GPR35: variants seen among roughly 807,000 people sequenced by gnomAD.
GPR35 encodes KYNA receptor.
For missense variants in GPR35, 372 were observed against 422.5 expected (o/e 0.88, Z 1.05); for synonymous variants, 207 against 198.4 (o/e 1.04, Z -0.36).
intron 2 of GPR35, among the ~76,000 whole-genome samples, chr2:240,615,792 T>C (rs761622383): frequency 5.9e-5 from 9 of 152,230 alleles, no homozygotes; most frequent in African/African-American, 2.4e-5. Context: ...TTTCTCTACT[T>C]CTACAATTTT....
intron 2 of GPR35, among the ~76,000 whole-genome samples, chr2:240,610,373 T>C (rs1417094502): frequency 6.6e-6 from 1 of 152,256 alleles, no homozygotes; most frequent in Non-Finnish European, 1.5e-5. Context: ...AATTTTTCCA[T>C]TCTTTTACAT....
rs372132179 is a variant in GPR35 at position 240,625,526 on chromosome 2, C to T, written c.-47C>T. On this transcript the variant is annotated 5_prime_UTR_variant, in exon 1 of 2. Coordinates refer to ENST00000407714, the MANE Select transcript of GPR35 (RefSeq NM_005301.5). ...ACAGCCACTGTGCAGGCTTTGGCAG[C>T]GGGGGTCACACACTCCACCCGGGAG... The T allele has an allele frequency of 1.3e-5, 13 of 985,976 alleles. No individual in the cohort carries two copies. The highest frequency in any genetic ancestry group is 1.0e-4 in the African/African-American group (6 of 57,368). 61.1% of individuals were successfully genotyped at this position (985,976 alleles called of 1,614,324 possible).
chr2:240,621,623 C>T (rs1255992325), upstream of GPR35, among the ~76,000 whole-genome samples: 2 of 152,226 alleles, frequency 1.3e-5, no homozygotes, highest in South Asian at 2.1e-4. Flanking sequence ...TTTAGGATGG[C>T]AGCTTCACTG....
chr2:240,620,093 G>A (rs1055188397), intron 5 of GPR35, among the ~76,000 whole-genome samples: 10 of 152,170 alleles, frequency 6.6e-5, no homozygotes, highest in African/African-American at 9.7e-5. Context: ...AGGGAAAGCC[G>A]CTGGAAATAG....
At chr2:240,620,720 G>A (rs982223344), upstream of GPR35, among the ~76,000 whole-genome samples, 19 of 152,250 alleles carry the variant, frequency 1.2e-4, no homozygotes, top group South Asian at 1.7e-3. Context: ...GGTCTTGGCT[G>A]GAGGGGACCT....
chr2:240,628,125 A>G (rs937082084), intron 1 of GPR35: 1 of 152,248 alleles, frequency 6.6e-6, no homozygotes, highest in Admixed American at 6.5e-5. Context: ...GCCCTCCCCA[A>G]CGCACAGTGC....
At position 240,632,161 on chromosome 2, in the gene GPR35, G is replaced by A. The variant is rs116619940; in HGVS notation, c.*1279G>A. Among the ~76,000 whole-genome samples, 687 of 139,396 alleles carry A rather than the reference G, an allele frequency of 4.9e-3. 8 individuals are homozygous for A. The highest frequency in any genetic ancestry group is 0.016 in the African/African-American group (651 of 39,942). The allele number at this position is 139,396 out of a possible 152,430, so 91.4% of individuals were successfully genotyped here. On this transcript the variant is annotated 3_prime_UTR_variant, in exon 2 of 2. Transcript: ENST00000407714. The stretch of plus-strand genomic sequence containing the variant: ...CCAAAAGGGTCCCATGTCCGGGAGG[G>A]TCCATACGCAAGGGTGTCCATGCCT...
chr2:240,615,117 TTGTGTG>T (rs559176515), intron 2 of GPR35, among the ~76,000 whole-genome samples: 1 of 149,028 alleles, frequency 6.7e-6, no homozygotes, highest in Admixed American at 6.6e-5. Flanking sequence ...ATGCCTGTGC[TTGTGTG>T]TGTGTGTGTG....
chr2:240,621,126 G>A (rs2125481820), upstream of GPR35, among the ~76,000 whole-genome samples: 1 of 152,356 alleles, frequency 6.6e-6, no homozygotes, highest in Non-Finnish European at 1.5e-5. Context: ...CCACACAGAG[G>A]ACCCCACTGG....
At chr2:240,623,275 A>T (rs961433918), upstream of GPR35, among the ~76,000 whole-genome samples, 1 of 152,224 alleles carries the variant, frequency 6.6e-6, no homozygotes, top group Non-Finnish European at 1.5e-5. Flanking sequence ...TGATAAAATC[A>T]AACAGGGTGA....
chr2:240,631,196 C>A lies in GPR35; in HGVS notation c.*314C>A. ...GGGTTCCTGCTGGCCAGGGTGCAGC[C>A]TTGATGACACCTGCCGCTGCCCCTC... is the stretch of plus-strand genomic sequence containing the variant. On this transcript the variant is annotated 3_prime_UTR_variant, in exon 2 of 2. Coordinates refer to ENST00000407714, the MANE Select transcript of GPR35 (RefSeq NM_005301.5). 4.9e-6 allele frequency: 2 copies of A among 411,732 alleles called. No homozygotes were observed. The highest frequency in any genetic ancestry group is 4.0e-5 in the African/African-American group (2 of 50,318). 25.5% of individuals were successfully genotyped at this position (411,732 alleles called of 1,614,324 possible).
intron 2 of GPR35, among the ~76,000 whole-genome samples, chr2:240,608,388 A>G (rs926313650): frequency 6.6e-6 from 1 of 152,190 alleles, no homozygotes. Flanking sequence ...CCCAGCTTGA[A>G]GTTTCCTATA....
chr2:240,626,475 G>T (rs1230159752), intron 1 of GPR35, among the ~76,000 whole-genome samples: 2 of 151,986 alleles, frequency 1.3e-5, no homozygotes, highest in Non-Finnish European at 2.9e-5. Flanking sequence ...GCTGTGTTGG[G>T]GTCTCAGGTG....
chr2:240,632,676 A>C lies in GPR35; in HGVS notation c.*1794A>C, dbSNP rs1309775704. Among the ~76,000 whole-genome samples the C allele has an allele frequency of 6.7e-6, 1 of 149,236 alleles. No homozygotes were observed. Among genetic ancestry groups the C allele is most frequent in the Non-Finnish European group, 1.5e-5 (1 of 67,350 alleles). ...CCCATGCCCATGAGGGTCCATGCCC[A>C]GTAAGGGCCATGCCCATGAGATCCT... On this transcript the variant is annotated 3_prime_UTR_variant, in exon 2 of 2. Coordinates refer to ENST00000407714, the MANE Select transcript of GPR35 (RefSeq NM_005301.5).
upstream of GPR35, among the ~76,000 whole-genome samples, chr2:240,623,234 G>A (rs181886216): frequency 1.6e-4 from 24 of 152,336 alleles, no homozygotes; most frequent in South Asian, 4.1e-4. Flanking sequence ...AGCCCAGTGC[G>A]CAGAAAGGGT....
intron 1 of GPR35, chr2:240,629,064 G>C (rs2043408741): frequency 6.6e-6 from 1 of 152,380 alleles, no homozygotes. Flanking sequence ...AGCCGGGGCT[G>C]GTCTCAGCCT....
Position 240,617,395 on chromosome 2 carries a change from T to G in GPR35, c.-149+2T>G. On this transcript the variant is annotated splice_donor_variant, in intron 4 of 5. Coordinates refer to the GPR35 transcript ENST00000319838. LOFTEE classifies it low-confidence loss of function (5UTR_SPLICE). ...GGTTTTAATCTTCTCATTTTAGAGG[T>G]AATTTTTTTGTGTAGCAATAGGTAG... 1.6e-6 allele frequency: 1 copy of G among 617,766 alleles called. No homozygotes were observed. The highest frequency in any genetic ancestry group is 3.0e-6 in the Non-Finnish European group (1 of 338,782). 38.3% of individuals were successfully genotyped at this position (617,766 alleles called of 1,614,324 possible). A position where few individuals can be genotyped will look rare whatever the true frequency, so the allele number is the denominator to read the frequency against.
chr2:240,625,491 C>A lies in GPR35; in HGVS notation c.-82C>A. 1 of 985,882 alleles carries A rather than the reference C, an allele frequency of 1.0e-6. No homozygotes were observed. The highest frequency in any genetic ancestry group is 4.7e-5 in the South Asian group (1 of 21,328). 61.1% of individuals were successfully genotyped at this position (985,882 alleles called of 1,614,324 possible). ...CTCACCCCAGCTTCACTTCCCCCAG[C>A]CCTTCTCAGACAGCCACTGTGCAGG... is the stretch of plus-strand genomic sequence containing the variant. On this transcript the variant is annotated 5_prime_UTR_variant, in exon 1 of 2. Transcript: ENST00000407714.
At chr2:240,622,086 C>T (rs1381062815), upstream of GPR35, among the ~76,000 whole-genome samples, 1 of 151,804 alleles carries the variant, frequency 6.6e-6, no homozygotes, top group Non-Finnish European at 1.5e-5. Flanking sequence ...TGCTATGTTG[C>T]CCAGGCTGGT....
Sources: allele counts gnomAD v4.1 joint callset (sites outside exome capture counted in the v4.1 genomes callset), GRCh38; gene constraint gnomAD v4.1.1; transcripts MANE v1.5; gene names NCBI Gene and HGNC (gene_info 2026-07-23, HGNC 2026-07-21).